Variants in CHSY3 observed in about 807,000 individuals in gnomAD.
The protein encoded by CHSY3 is chondroitin sulfate synthase 3.
In CHSY3, 35 loss-of-function variants were observed where a neutral mutation model predicts 67.2. The observed-to-expected ratio is 0.52, with a 90% CI of 0.40 to 0.69. The LOEUF (loss-of-function observed/expected upper bound fraction) is 0.69. Among genes scored for constraint, CHSY3 ranks in the 30% least tolerant of loss-of-function variants. The probability of loss-of-function intolerance (pLI) is 0.00; values close to 1 mark genes in which losing one functional copy is unlikely to be tolerated. For missense variants in CHSY3, 1,069 were observed against 1,138.5 expected (o/e 0.94, Z 0.88); for synonymous variants, 474 against 434.7 (o/e 1.09, Z -1.12).
intron 2 of CHSY3, among the ~76,000 whole-genome samples, chr5:129,965,716 T>C (rs914850803): frequency 3.9e-5 from 6 of 151,914 alleles, no homozygotes; most frequent in African/African-American, 1.4e-4. Context: ...TCTTTTCACA[T>C]TTGTCAAACT....
intron 2 of CHSY3, among the ~76,000 whole-genome samples, chr5:130,132,485 A>G (rs761320403): frequency 2.6e-5 from 4 of 152,216 alleles, no homozygotes; most frequent in Non-Finnish European, 4.4e-5. Flanking sequence ...ATGTAATATG[A>G]TGGGCTAAGT....
intron 2 of CHSY3, among the ~76,000 whole-genome samples, chr5:130,045,522 T>C (rs978044776): frequency 1.3e-5 from 2 of 152,038 alleles, no homozygotes; most frequent in African/African-American, 4.8e-5. Flanking sequence ...GTCTGGTTGC[T>C]AGTGACACAA....
At chr5:130,068,071 C>G (rs1024493376) in intron 2 of CHSY3, among the ~76,000 whole-genome samples, 2 of 152,056 alleles carry the variant, frequency 1.3e-5, no homozygotes, top group African/African-American at 4.8e-5. Flanking sequence ...GTTGCCATCA[C>G]CTCTTCTCAC....
At chr5:130,161,828 CA>C (rs1209793314) in intron 2 of CHSY3, among the ~76,000 whole-genome samples, 1 of 151,738 alleles carries the variant, frequency 6.6e-6, no homozygotes, top group Non-Finnish European at 1.5e-5. Context: ...TGCTTGAGTC[CA>C]AGAGTTCGAG....
chr5:130,063,581 A>C (rs1765780974), intron 2 of CHSY3, among the ~76,000 whole-genome samples: 1 of 152,070 alleles, frequency 6.6e-6, no homozygotes, highest in Non-Finnish European at 1.5e-5. Flanking sequence ...CTTTTTATAA[A>C]TTTAGTATTT....
chr5:129,971,940 C>T, intron 2 of CHSY3, among the ~76,000 whole-genome samples: 1 of 151,984 alleles, frequency 6.6e-6, no homozygotes, highest in East Asian at 1.9e-4. Flanking sequence ...ACTGGGAATT[C>T]AGCTATGCTA....
chr5:129,962,090 C>G (rs933896461), intron 2 of CHSY3, among the ~76,000 whole-genome samples: 2 of 151,954 alleles, frequency 1.3e-5, no homozygotes, highest in Non-Finnish European at 2.9e-5. Context: ...TATCCCCAAC[C>G]CTCTCAGAAA....
chr5:130,011,605 A>G (rs1397900740), intron 2 of CHSY3, among the ~76,000 whole-genome samples: 3 of 152,210 alleles, frequency 2.0e-5, no homozygotes, highest in African/African-American at 7.2e-5. Context: ...TCAACATAGT[A>G]ATGGAAGTCC....
intron 2 of CHSY3, among the ~76,000 whole-genome samples, chr5:130,090,953 A>C (rs939841903): frequency 1.3e-5 from 2 of 152,178 alleles, no homozygotes; most frequent in Non-Finnish European, 2.9e-5. Flanking sequence ...AGCTGGCTAG[A>C]AGCTATCTGT....
intron 2 of CHSY3, among the ~76,000 whole-genome samples, chr5:129,961,247 A>G (rs1762319447): frequency 6.6e-6 from 1 of 152,116 alleles, no homozygotes; most frequent in Non-Finnish European, 1.5e-5. Context: ...TAAAGTCAGT[A>G]AAAGCAGGGA....
intron 2 of CHSY3, among the ~76,000 whole-genome samples, chr5:130,055,793 T>C (rs1032575493): frequency 6.6e-6 from 1 of 151,992 alleles, no homozygotes; most frequent in Non-Finnish European, 1.5e-5. Context: ...GTCCCGGACA[T>C]TTTAACAAGA....
In CHSY3 at chr5:130,185,585, A is replaced by T. The variant is rs1353323508; in HGVS notation, c.2443A>T (p.Ile815Phe). 1 of 1,614,096 alleles carries T rather than the reference A, an allele frequency of 6.2e-7. No individual in the cohort carries two copies. Among genetic ancestry groups the T allele is most frequent in the Admixed American group, 1.7e-5 (1 of 60,020 alleles). ...LEDVDLYNKV[I>F]LSGLRPFRSQ... ...AGATGTAGATCTCTACAATAAAGTC[A>T]TTCTATCTGGCTTAAGGCCATTCAG... Residue 815 changes from isoleucine to phenylalanine, a missense_variant, in exon 3 of 3, where the codon ATT becomes TTT. Physicochemically the swap from Ile to Phe is conservative, Grantham distance 21 (BLOSUM62 0). This residue lies in a region of CHSY3 where 139 missense variants were observed against 152.8 expected (regional missense o/e 0.91). Transcript: ENST00000305031.
At chr5:130,014,146 G>T (rs920425798) in intron 2 of CHSY3, among the ~76,000 whole-genome samples, 1 of 152,110 alleles carries the variant, frequency 6.6e-6, no homozygotes, top group Non-Finnish European at 1.5e-5. Context: ...ATCACTATCA[G>T]CATTTTGGTC....
intron 2 of CHSY3, among the ~76,000 whole-genome samples, chr5:129,994,708 T>C (rs1763478493): frequency 6.6e-6 from 1 of 152,150 alleles, no homozygotes; most frequent in South Asian, 2.1e-4. Flanking sequence ...CATGGAATAC[T>C]ATGCAGCCAT....
intron 2 of CHSY3, among the ~76,000 whole-genome samples, chr5:129,916,774 T>G (rs570559814): frequency 6.6e-6 from 1 of 152,274 alleles, no homozygotes; most frequent in South Asian, 2.1e-4. Flanking sequence ...CATGCCTTCC[T>G]TGTCTTCATG....
chr5:129,975,445 T>C (rs1762779577), intron 2 of CHSY3, among the ~76,000 whole-genome samples: 1 of 152,126 alleles, frequency 6.6e-6, no homozygotes, highest in Non-Finnish European at 1.5e-5. Flanking sequence ...GATTGAGAGA[T>C]GACTGTCCTA....
chr5:129,953,671 C>A (rs1045427353), intron 2 of CHSY3, among the ~76,000 whole-genome samples: 1 of 152,072 alleles, frequency 6.6e-6, no homozygotes, highest in African/African-American at 2.4e-5. Flanking sequence ...TGATCGCCAT[C>A]CTAACTGGTA....
rs143686406 is a variant in CHSY3 at position 130,017,546 on chromosome 5, G to A, written c.1086+109186G>A. 7.2e-5 allele frequency among the ~76,000 whole-genome samples: 11 copies of A among 152,200 alleles called. No individual in the cohort carries two copies. In the East Asian group the frequency reaches 7.7e-4, roughly 11 times the overall value. On this transcript the variant is annotated intron_variant, in intron 2 of 2. Coordinates refer to ENST00000305031, the MANE Select transcript of CHSY3 (RefSeq NM_175856.5). ...AAGAGAAAAAGCTACTTGATCTCCC[G>A]AGAAGTTCTTATTTTCCTGTTTTCT...
At chr5:130,118,643 A>T (rs908371234) in intron 2 of CHSY3, among the ~76,000 whole-genome samples, 1 of 152,280 alleles carries the variant, frequency 6.6e-6, no homozygotes, top group Non-Finnish European at 1.5e-5. Context: ...ACTTTTCAGT[A>T]GTATTTTTGC....
Sources: allele counts gnomAD v4.1 joint callset (sites outside exome capture counted in the v4.1 genomes callset), GRCh38; gene constraint gnomAD v4.1.1; regional missense constraint gnomAD v4.1.1; transcripts MANE v1.5; gene names NCBI Gene and HGNC (gene_info 2026-07-23, HGNC 2026-07-21).